The following ZBTB20 variants were observed in gnomAD, a reference collection of about 807,000 sequenced individuals.
ZBTB20 encodes zinc finger and BTB domain containing 20.
In ZBTB20, 9 loss-of-function variants were observed where a neutral mutation model predicts 56.9. The observed-to-expected ratio is 0.16, with a 90% CI of 0.10 to 0.28. The LOEUF (loss-of-function observed/expected upper bound fraction) is 0.28, where lower values mean the gene tolerates loss of function less well. ZBTB20 is among the 10% of genes least tolerant of loss of function. The pLI is 1.00. For synonymous variants in ZBTB20, 417 were observed against 420.7 expected, an observed-to-expected ratio of 0.99 and a Z score of 0.11; for missense variants, 655 against 1,003.0, an observed-to-expected ratio of 0.65 and a Z score of 4.69.
intron 4 of ZBTB20, among the ~76,000 whole-genome samples, chr3:114,897,010 C>T (rs772593892): frequency 1.3e-5 from 2 of 151,956 alleles, no homozygotes; most frequent in African/African-American, 2.4e-5. Context: ...GTGGTGATGG[C>T]GAGGGAACTG....
In ZBTB20 at chr3:114,339,807, A is replaced by G. The variant is rs2079624540; in HGVS notation, c.1805-381T>C. ...GGATTTAGTGTTTCCCATTAACATT[A>G]TCAAACAAATAGAAGAAATAAGAGA... On this transcript the variant is annotated intron_variant, in intron 11 of 11. Transcript: ENST00000675478. The surrounding 1 kb of genome is among the most constrained non-coding windows in gnomAD (Gnocchi z 4.2). 6.6e-6 allele frequency among the ~76,000 whole-genome samples: 1 copy of G among 152,218 alleles called. No homozygotes were observed. Among genetic ancestry groups the G allele is most frequent in the Non-Finnish European group, 1.5e-5 (1 of 68,040 alleles).
intron 4 of ZBTB20, among the ~76,000 whole-genome samples, chr3:114,866,532 T>C (rs895899606): frequency 1.3e-5 from 2 of 152,174 alleles, no homozygotes; most frequent in Admixed American, 1.3e-4. Context: ...GGTCAAACAT[T>C]ATTTGGTGTA....
intron 8 of ZBTB20, among the ~76,000 whole-genome samples, chr3:114,382,670 T>C (rs2084530239): frequency 6.6e-6 from 1 of 152,176 alleles, no homozygotes; most frequent in African/African-American, 2.4e-5. Flanking sequence ...ATGCCTAAGC[T>C]CTTTTTTTTC....
At chr3:114,965,185 T>C (rs1056644563) in intron 3 of ZBTB20, among the ~76,000 whole-genome samples, 30 of 152,198 alleles carry the variant, frequency 2.0e-4, no homozygotes, top group Non-Finnish European at 7.3e-5. Flanking sequence ...TCTCCCTTAG[T>C]TAATATATCA....
At chr3:114,965,689 T>C (rs1335343559) in intron 3 of ZBTB20, among the ~76,000 whole-genome samples, 2 of 152,202 alleles carry the variant, frequency 1.3e-5, no homozygotes, top group Non-Finnish European at 2.9e-5. Context: ...GGTCACATGA[T>C]AACATCCATT....
rs537905360 is a variant in ZBTB20, at chr3:114,865,363, C to G, written c.-417+34941G>C. ...TGGTTGACAGATGAGAACCCACATA[C>G]AGTATTCTGAAATTCTGCGTCTTCT... On this transcript the variant is annotated intron_variant, in intron 4 of 11. Transcript: ENST00000675478. 8.1e-4 allele frequency among the ~76,000 whole-genome samples: 123 copies of G among 152,260 alleles called. 1 individual carries two copies. Among genetic ancestry groups the G allele is most frequent in the African/African-American group, 2.9e-3 (122 of 41,572 alleles).
At chr3:114,511,657 T>A (rs1403620774) in intron 6 of ZBTB20, among the ~76,000 whole-genome samples, 1 of 152,056 alleles carries the variant, frequency 6.6e-6, no homozygotes, top group Non-Finnish European at 1.5e-5. Context: ...AAAATCTATC[T>A]AATATTTTAA....
At chr3:115,122,187 T>G (rs1178220868) in intron 1 of ZBTB20, among the ~76,000 whole-genome samples, 1 of 151,972 alleles carries the variant, frequency 6.6e-6, no homozygotes, top group Non-Finnish European at 1.5e-5. Context: ...ATTTCTGTCA[T>G]GAAACAAAGG....
intron 1 of ZBTB20, among the ~76,000 whole-genome samples, chr3:115,073,145 T>C (rs975596797): frequency 5.9e-5 from 9 of 152,198 alleles, no homozygotes; most frequent in Non-Finnish European, 1.2e-4. Flanking sequence ...CCTGTCAGGA[T>C]GCTGTCATTG....
At chr3:114,472,892 G>A (rs1199222646) in intron 7 of ZBTB20, among the ~76,000 whole-genome samples, 1 of 152,032 alleles carries the variant, frequency 6.6e-6, no homozygotes. Context: ...AACCAAAGAG[G>A]GTATGTTAAA....
chr3:114,755,844 C>G (rs2067972896), intron 5 of ZBTB20, among the ~76,000 whole-genome samples: 1 of 152,042 alleles, frequency 6.6e-6, no homozygotes, highest in Admixed American at 6.6e-5. Flanking sequence ...AAACTAAGAG[C>G]TGTTTTCAAA....
At chr3:114,971,457 C>A (rs1191144695) in intron 3 of ZBTB20, among the ~76,000 whole-genome samples, 3 of 151,944 alleles carry the variant, frequency 2.0e-5, no homozygotes, top group African/African-American at 7.3e-5. Flanking sequence ...ACTAAAATCT[C>A]AACAAAAAAT....
chr3:114,853,876 C>T (rs978100932), intron 4 of ZBTB20, among the ~76,000 whole-genome samples: 17 of 152,292 alleles, frequency 1.1e-4, no homozygotes, highest in African/African-American at 3.1e-4. Flanking sequence ...AAATTAGCTT[C>T]TGCAATGCTT....
chr3:114,414,546 T>C (rs917372863), intron 7 of ZBTB20, among the ~76,000 whole-genome samples: 5 of 152,034 alleles, frequency 3.3e-5, no homozygotes, highest in African/African-American at 7.2e-5. Context: ...AAGGCTGTGA[T>C]AACATATCTT....
At chr3:114,911,545 T>A (rs1011576084) in intron 3 of ZBTB20, among the ~76,000 whole-genome samples, 1 of 151,910 alleles carries the variant, frequency 6.6e-6, no homozygotes, top group African/African-American at 2.4e-5. Flanking sequence ...CATTAAAAAA[T>A]TAGTTTAGTT....
intron 2 of ZBTB20, among the ~76,000 whole-genome samples, chr3:115,037,084 T>C (rs1310942165): frequency 6.6e-6 from 1 of 152,236 alleles, no homozygotes; most frequent in East Asian, 1.9e-4. Flanking sequence ...TGATCATTAC[T>C]GTTTATTAAG....
chr3:114,351,944 A>T (rs1213258455), intron 10 of ZBTB20, 66 bp from the exon 11 acceptor site: 1 of 1,539,536 alleles, frequency 6.5e-7, no homozygotes, highest in Non-Finnish European at 8.8e-7. Context: ...CATTCCTAAC[A>T]CCTAGGTTTC....
intron 5 of ZBTB20, among the ~76,000 whole-genome samples, chr3:114,723,946 A>G (rs900707712): frequency 6.6e-6 from 1 of 151,526 alleles, no homozygotes; most frequent in African/African-American, 2.4e-5. Flanking sequence ...TTGGCTCACT[A>G]CAAGCTCCGC....
Position 114,850,976 on chromosome 3 carries a change from T to G in ZBTB20, c.-417+49328A>C, listed in dbSNP as rs1020294131. ...AGCAATGGCTGTAAATGCTGCATAT[T>G]TTAAGGAAGCAATATAAAAAGAACC... On this transcript the variant is annotated intron_variant, in intron 4 of 11. Coordinates refer to ENST00000675478, the MANE Select transcript of ZBTB20 (RefSeq NM_001348800.3). Among the ~76,000 whole-genome samples, 27 of 152,270 alleles carry G rather than the reference T, an allele frequency of 1.8e-4. 1 individual carries two copies. The highest frequency in any genetic ancestry group is 7.7e-4 in the East Asian group (4 of 5,184).
Sources: allele counts gnomAD v4.1 joint callset (sites outside exome capture counted in the v4.1 genomes callset), GRCh38; gene constraint gnomAD v4.1.1; non-coding constraint Gnocchi (gnomAD v3.1); transcripts MANE v1.5; gene names NCBI Gene and HGNC (gene_info 2026-07-23, HGNC 2026-07-21).